TRIM71: variants seen among roughly 807,000 people sequenced by gnomAD.
TRIM71 encodes the protein E3 ubiquitin-protein ligase TRIM71.
A neutral mutation model predicts 61.2 loss-of-function variants in TRIM71; 9 were observed. The observed-to-expected ratio is 0.15, with a 90% confidence interval of 0.09 to 0.26. The LOEUF (loss-of-function observed/expected upper bound fraction) is 0.26. Among genes scored for constraint, TRIM71 ranks in the 10% least tolerant of loss-of-function variants. The pLI, the probability that TRIM71 is intolerant of heterozygous loss-of-function variation, is 1.00. For missense variants in TRIM71, 998 were observed against 1,238.7 expected (o/e 0.81, Z 2.92); for synonymous variants, 645 against 553.2 (o/e 1.17, Z -2.33).
intron 1 of TRIM71, among the ~76,000 whole-genome samples, chr3:32,853,410 C>T (rs1178025530): frequency 6.6e-6 from 1 of 152,138 alleles, no homozygotes; most frequent in African/African-American, 2.4e-5. Flanking sequence ...AGCCACCACA[C>T]CCGGCCAGAA....
At chr3:32,843,338 C>T (rs1384966478) in intron 1 of TRIM71, among the ~76,000 whole-genome samples, 1 of 152,100 alleles carries the variant, frequency 6.6e-6, no homozygotes, top group Non-Finnish European at 1.5e-5. Flanking sequence ...TCACCAGGAT[C>T]CCTTTTCTCA....
chr3:32,869,483 G>A (rs1354211231), intron 1 of TRIM71, among the ~76,000 whole-genome samples: 1 of 152,194 alleles, frequency 6.6e-6, no homozygotes, highest in East Asian at 1.9e-4. Context: ...TGGTGTGTGT[G>A]TTCCTTGTTG....
At chr3:32,848,302 G>A (rs776458228) in intron 1 of TRIM71, among the ~76,000 whole-genome samples, 14 of 152,200 alleles carry the variant, frequency 9.2e-5, no homozygotes, top group Non-Finnish European at 1.5e-4. Context: ...AGGGTAGTGT[G>A]CATTTCTTTC....
intron 1 of TRIM71, among the ~76,000 whole-genome samples, chr3:32,852,712 A>C (rs543286367): frequency 6.6e-6 from 1 of 152,098 alleles, no homozygotes; most frequent in Non-Finnish European, 1.5e-5. Context: ...TGAGGATTAC[A>C]GAACTCTAAC....
intron 1 of TRIM71, among the ~76,000 whole-genome samples, chr3:32,869,231 A>T (rs1163076786): frequency 1.3e-5 from 2 of 152,210 alleles, no homozygotes; most frequent in African/African-American, 4.8e-5. Flanking sequence ...GGGTGGGTGG[A>T]GATCTAGCCA....
chr3:32,864,194 T>G (rs1474906696), intron 1 of TRIM71, among the ~76,000 whole-genome samples: 2 of 152,236 alleles, frequency 1.3e-5, no homozygotes, highest in African/African-American at 4.8e-5. Flanking sequence ...TCCTCCCACC[T>G]CAGCCTTCTG....
intron 1 of TRIM71, among the ~76,000 whole-genome samples, chr3:32,833,119 A>C (rs1164070968): frequency 6.8e-6 from 1 of 146,256 alleles, no homozygotes. Context: ...AGGTTGCAGC[A>C]AGCTGAGATT....
At chr3:32,851,189 C>G (rs1575348818) in intron 1 of TRIM71, among the ~76,000 whole-genome samples, 1 of 152,154 alleles carries the variant, frequency 6.6e-6, no homozygotes, top group Admixed American at 6.5e-5. Context: ...CCTTACGTCT[C>G]AATTTCCTCC....
At chr3:32,873,059 C>A (rs1383962942) in intron 1 of TRIM71, among the ~76,000 whole-genome samples, 1 of 111,788 alleles carries the variant, frequency 8.9e-6, no homozygotes, top group Admixed American at 1.0e-4. Flanking sequence ...GCCCTTCTCT[C>A]TCTTCCTCCC....
At chr3:32,886,236 A>G (rs1220088964) in intron 3 of TRIM71, among the ~76,000 whole-genome samples, 168 bp downstream of exon 3, 1 of 152,186 alleles carries the variant, frequency 6.6e-6, no homozygotes, top group African/African-American at 2.4e-5. Context: ...TCCCTGGAAC[A>G]TTGTGGGTGC....
At chr3:32,826,582 CTT>C (rs71068090) in intron 1 of TRIM71, among the ~76,000 whole-genome samples, 4 of 83,098 alleles carry the variant, frequency 4.8e-5, no homozygotes, top group African/African-American at 2.1e-4. Flanking sequence ...CAGGTGAGTT[CTT>C]TTTTTTTTTT....
Position 32,873,904 on chromosome 3 carries a change from C to T in TRIM71, c.939C>T (p.Tyr313=). The change falls in exon 2 of 4, where the codon TAC becomes TAT. Residue 313 remains tyrosine (Y), a synonymous_variant. Coordinates refer to ENST00000383763, the MANE Select transcript of TRIM71 (RefSeq NM_001039111.3). The stretch of plus-strand genomic sequence containing the variant: ...GGCATGGGGGCCACAGCTTCATCTA[C>T]CTCCAGGAGGCACTGCAGGACTCAC... The part of the protein sequence containing the change: ...MGRHGGHSFI[Y]LQEALQDSRA... The T allele has an allele frequency of 6.2e-7, 1 of 1,614,038 alleles. No homozygotes were observed. The highest frequency in any genetic ancestry group is 8.5e-7 in the Non-Finnish European group (1 of 1,179,940).
chr3:32,878,768 A>T (rs1243677356), intron 2 of TRIM71, among the ~76,000 whole-genome samples: 3 of 152,206 alleles, frequency 2.0e-5, no homozygotes, highest in African/African-American at 7.2e-5. Context: ...GGTTGTCAGG[A>T]TGGACAATGA....
intron 1 of TRIM71, among the ~76,000 whole-genome samples, chr3:32,819,242 T>A (rs931751921): frequency 4.7e-5 from 5 of 106,008 alleles, no homozygotes; most frequent in African/African-American, 1.8e-4. Context: ...TGGGAGGAGA[T>A]AGGTGTGTGT....
At chr3:32,850,834 G>C (rs539709872) in intron 1 of TRIM71, among the ~76,000 whole-genome samples, 9 of 152,170 alleles carry the variant, frequency 5.9e-5, no homozygotes, top group African/African-American at 2.2e-4. Flanking sequence ...TTTTGACCTT[G>C]TGCTCTGCCC....
At chr3:32,871,189 C>T (rs1696791467) in intron 1 of TRIM71, among the ~76,000 whole-genome samples, 1 of 152,120 alleles carries the variant, frequency 6.6e-6, no homozygotes, top group Non-Finnish European at 1.5e-5. Context: ...ACAGATGAGA[C>T]TGAAGCCCAG....
intron 1 of TRIM71, among the ~76,000 whole-genome samples, chr3:32,854,335 T>A (rs1470888487): frequency 6.6e-6 from 1 of 152,204 alleles, no homozygotes; most frequent in Non-Finnish European, 1.5e-5. Context: ...TAGCACATTC[T>A]TAGAGATAGT....
chr3:32,892,447 C>G lies in TRIM71; in HGVS notation c.*636C>G, dbSNP rs763326137. 1 of 152,102 alleles carries G rather than the reference C, an allele frequency of 6.6e-6. No homozygotes were observed. The highest frequency in any genetic ancestry group is 2.4e-5 in the African/African-American group (1 of 41,378). The allele number at this position is 152,102 out of a possible 1,614,324, so 9.4% of individuals were successfully genotyped here. A position where few individuals can be genotyped will look rare whatever the true frequency, so the allele number is the denominator to read the frequency against. ...AATTTCCTCTGTTCTCTGTTTATAC[C>G]TCAGTGTGTTTAACATCCTCTTCTG... On this transcript the variant is annotated 3_prime_UTR_variant, in exon 4 of 4. Transcript: ENST00000383763.
intron 1 of TRIM71, among the ~76,000 whole-genome samples, chr3:32,873,161 C>G (rs2125688737): frequency 6.7e-6 from 1 of 149,870 alleles, no homozygotes; most frequent in African/African-American, 2.4e-5. Context: ...CACTGGCTGC[C>G]TCCCAGGTTC....
Sources: gnomAD v4.1 joint callset for allele counts (sites outside exome capture counted in the v4.1 genomes callset) on GRCh38, gnomAD v4.1.1 for gene constraint, MANE v1.5 for transcripts, NCBI Gene and HGNC (gene_info 2026-07-23, HGNC 2026-07-21) for gene names.